The following KLHL29 variants were observed in gnomAD, a reference collection of about 807,000 sequenced individuals.
KLHL29 encodes kelch like family member 29.
A neutral mutation model predicts 80.4 loss-of-function variants in KLHL29; 21 were observed. That is an observed-to-expected ratio of 0.26 (90% CI 0.19 to 0.38). The LOEUF (loss-of-function observed/expected upper bound fraction) is 0.38, where lower values mean the gene tolerates loss of function less well. KLHL29 is among the 10% of genes least tolerant of loss of function. The pLI, the probability that KLHL29 is intolerant of heterozygous loss-of-function variation, is 1.00. For missense variants in KLHL29, 867 were observed against 1,223.9 expected (o/e 0.71, Z 4.35); for synonymous variants, 511 against 526.8 (o/e 0.97, Z 0.41).
chr2:23,406,655 C>T (rs1254361659), intron 1 of KLHL29, among the ~76,000 whole-genome samples: 2 of 152,068 alleles, frequency 1.3e-5, no homozygotes, highest in African/African-American at 2.4e-5. Context: ...ATTTCGGTAT[C>T]ACACACATCT....
intron 2 of KLHL29, among the ~76,000 whole-genome samples, chr2:23,534,669 G>C (rs1181607569): frequency 6.6e-6 from 1 of 152,138 alleles, no homozygotes; most frequent in African/African-American, 2.4e-5. Context: ...CTCTGTGTAT[G>C]GCACAGAGGC....
chr2:23,647,172 G>A lies in KLHL29; in HGVS notation c.940+4322G>A, dbSNP rs1166413685. On this transcript the variant is annotated intron_variant, in intron 5 of 13. Coordinates refer to ENST00000486442, the MANE Select transcript of KLHL29 (RefSeq NM_052920.2). This position sits in a 1 kb window ranked among gnomAD's most constrained non-coding sequence, Gnocchi z 4.9. ...GTGGGATGCATCCCTTTTCTGTCAG[G>A]AGGACTCAGGATGGCTCTCCCCAGG... Among the ~76,000 whole-genome samples the A allele has an allele frequency of 6.6e-6, 1 of 152,160 alleles. No homozygotes were observed. Among genetic ancestry groups the A allele is most frequent in the African/African-American group, 2.4e-5 (1 of 41,438 alleles).
At chr2:23,624,859 G>A (rs746125507) in intron 3 of KLHL29, among the ~76,000 whole-genome samples, 1 of 152,216 alleles carries the variant, frequency 6.6e-6, no homozygotes, top group Non-Finnish European at 1.5e-5. Context: ...CTAGGTCCTG[G>A]AAGTAGAAGA....
intron 3 of KLHL29, among the ~76,000 whole-genome samples, chr2:23,578,524 G>C (rs1279897527): frequency 6.6e-6 from 1 of 152,180 alleles, no homozygotes; most frequent in Non-Finnish European, 1.5e-5. Context: ...CTGTAAGCAT[G>C]ATCTGTTATT....
chr2:23,458,801 AGG>A (rs1664133124), intron 1 of KLHL29, among the ~76,000 whole-genome samples: 1 of 152,208 alleles, frequency 6.6e-6, no homozygotes, highest in African/African-American at 2.4e-5. Context: ...GAACGGGGAC[AGG>A]GGTGAGATGA....
intron 1 of KLHL29, among the ~76,000 whole-genome samples, chr2:23,393,980 A>G (rs1666386011): frequency 6.6e-6 from 1 of 152,126 alleles, no homozygotes; most frequent in Non-Finnish European, 1.5e-5. Flanking sequence ...CTTCCCCACA[A>G]AGCTCCTAGA....
At position 23,562,513 on chromosome 2, in the gene KLHL29, C is replaced by T. The variant is rs942605456; in HGVS notation, c.285+32C>T. Reference sequence around the variant, plus strand: ...TGTGGTGTCATCTCTGAGCAGGAGCCGGACAGAGGGGCCCTGCCTCCCTGC... The same window carrying T: ...TGTGGTGTCATCTCTGAGCAGGAGCTGGACAGAGGGGCCCTGCCTCCCTGC... On this transcript the variant is annotated intron_variant, in intron 3 of 13. Transcript: ENST00000486442. The surrounding 1 kb of genome is among the most constrained non-coding windows in gnomAD (Gnocchi z 4.5). 1.8e-5 allele frequency: 27 copies of T among 1,531,618 alleles called. No homozygotes were observed. The highest frequency in any genetic ancestry group is 4.9e-5 in the East Asian group (2 of 40,856). 94.9% of individuals were successfully genotyped at this position (1,531,618 alleles called of 1,614,324 possible). A position where few individuals can be genotyped will look rare whatever the true frequency, so the allele number is the denominator to read the frequency against.
chr2:23,403,830 G>C (rs576231271), intron 1 of KLHL29, among the ~76,000 whole-genome samples: 1 of 152,100 alleles, frequency 6.6e-6, no homozygotes, highest in East Asian at 1.9e-4. Context: ...CCCAGAAAAA[G>C]AGCGTGTGTG....
chr2:23,441,865 T>C (rs1663535234), intron 1 of KLHL29, among the ~76,000 whole-genome samples: 1 of 152,238 alleles, frequency 6.6e-6, no homozygotes, highest in Non-Finnish European at 1.5e-5. Context: ...CAAGCACTTA[T>C]TCAGCCTCTG....
At chr2:23,518,375 C>G (rs926441321) in intron 2 of KLHL29, among the ~76,000 whole-genome samples, 3 of 152,212 alleles carry the variant, frequency 2.0e-5, no homozygotes, top group Non-Finnish European at 4.4e-5. Flanking sequence ...TCTGGGAGGG[C>G]AAGTGTTTGA....
chr2:23,482,060 G>A (rs963504855), intron 2 of KLHL29, among the ~76,000 whole-genome samples: 5 of 152,158 alleles, frequency 3.3e-5, no homozygotes, highest in Admixed American at 1.3e-4. Flanking sequence ...TTCCTTGTCC[G>A]CTGCCCTCAG....
intron 2 of KLHL29, among the ~76,000 whole-genome samples, chr2:23,525,728 C>G (rs1032467314): frequency 1.9e-5 from 1 of 53,620 alleles, no homozygotes; most frequent in East Asian, 7.2e-4. Flanking sequence ...CAGCCCCTGC[C>G]CCCCCCCCCC....
At chr2:23,494,232 A>C (rs1014949610) in intron 2 of KLHL29, among the ~76,000 whole-genome samples, 1 of 152,236 alleles carries the variant, frequency 6.6e-6, no homozygotes, top group African/African-American at 2.4e-5. Context: ...GCACAAATTT[A>C]TTCAGGGGCA....
chr2:23,428,962 G>T (rs1663083904), intron 1 of KLHL29, among the ~76,000 whole-genome samples: 1 of 152,170 alleles, frequency 6.6e-6, no homozygotes, highest in African/African-American at 2.4e-5. Flanking sequence ...TGGACTCTGG[G>T]TTCTCATCCT....
chr2:23,422,665 G>T (rs1454346793), intron 1 of KLHL29, among the ~76,000 whole-genome samples: 1 of 151,882 alleles, frequency 6.6e-6, no homozygotes, highest in African/African-American at 2.4e-5. Flanking sequence ...GTGTGTCCGT[G>T]TGTCTTTGTC....
chr2:23,450,923 G>A (rs1663858723), intron 1 of KLHL29, among the ~76,000 whole-genome samples: 1 of 151,984 alleles, frequency 6.6e-6, no homozygotes, highest in Non-Finnish European at 1.5e-5. Context: ...CCAATCACTG[G>A]CAACCACTAA....
chr2:23,605,754 C>T (rs150052339), intron 3 of KLHL29, among the ~76,000 whole-genome samples: 1 of 149,476 alleles, frequency 6.7e-6, no homozygotes, highest in East Asian at 2.0e-4. Context: ...CCTCCAAATC[C>T]TCAGGAACTG....
At chr2:23,540,191 G>GC (rs1481438875) in intron 2 of KLHL29, among the ~76,000 whole-genome samples, 8 of 152,214 alleles carry the variant, frequency 5.3e-5, no homozygotes, top group African/African-American at 1.9e-4. Context: ...TACCTGCCCA[G>GC]CCCCCCAGAA....
intron 2 of KLHL29, among the ~76,000 whole-genome samples, chr2:23,527,563 G>A (rs566920432): frequency 3.6e-4 from 55 of 152,346 alleles, no homozygotes; most frequent in Non-Finnish European, 5.9e-4. Flanking sequence ...CTTAGAGGCT[G>A]TTCATCTCCG....
Sources: gnomAD v4.1 joint callset for allele counts (sites outside exome capture counted in the v4.1 genomes callset) on GRCh38, gnomAD v4.1.1 for gene constraint, Gnocchi (gnomAD v3.1) non-coding constraint, MANE v1.5 for transcripts, NCBI Gene and HGNC (gene_info 2026-07-23, HGNC 2026-07-21) for gene names.